The following PIP5K1B variants were observed in gnomAD, a reference collection of about 807,000 sequenced individuals.
PIP5K1B encodes the protein phosphatidylinositol 4-phosphate 5-kinase type-1 beta.
A neutral mutation model predicts 67.0 loss-of-function variants in PIP5K1B; 42 were observed. The observed-to-expected ratio is 0.63, with a 90% CI of 0.49 to 0.81. The LOEUF (loss-of-function observed/expected upper bound fraction) is 0.81, where lower values mean the gene tolerates loss of function less well. Among genes scored for constraint, PIP5K1B ranks in the 30% least tolerant of loss-of-function variants. PIP5K1B has a pLI of 0.00. For missense variants in PIP5K1B, 459 were observed against 646.3 expected (o/e 0.71, Z 3.14); for synonymous variants, 214 against 231.4 (o/e 0.92, Z 0.68).
intron 4 of PIP5K1B, among the ~76,000 whole-genome samples, chr9:68,830,788 G>A (rs1834272022): frequency 6.6e-6 from 1 of 152,154 alleles, no homozygotes; most frequent in Admixed American, 6.5e-5. Context: ...TCTGAACTGT[G>A]GCCCATGTTC....
intron 2 of PIP5K1B, among the ~76,000 whole-genome samples, chr9:68,802,823 G>C (rs1424671385): frequency 6.6e-6 from 1 of 152,198 alleles, no homozygotes. Flanking sequence ...TGAGAGTCGT[G>C]AGAGGTCATA....
intron 2 of PIP5K1B, among the ~76,000 whole-genome samples, chr9:68,755,340 C>T (rs992513390): frequency 6.6e-6 from 1 of 152,174 alleles, no homozygotes; most frequent in East Asian, 1.9e-4. Context: ...TATGAGTATA[C>T]CTCTGCTTAC....
chr9:68,915,472 C>G (rs946832340), intron 8 of PIP5K1B, among the ~76,000 whole-genome samples: 3 of 152,132 alleles, frequency 2.0e-5, no homozygotes, highest in African/African-American at 7.2e-5. Flanking sequence ...GTGCTTCTGA[C>G]ATAAAACAGT....
intron 7 of PIP5K1B, among the ~76,000 whole-genome samples, chr9:68,892,331 A>G (rs987483851): frequency 6.6e-6 from 1 of 152,234 alleles, no homozygotes; most frequent in African/African-American, 2.4e-5. Context: ...ACATTTTTGA[A>G]AAAGAAGAAA....
intron 8 of PIP5K1B, among the ~76,000 whole-genome samples, chr9:68,911,365 C>T (rs1298040299): frequency 8.1e-6 from 1 of 123,780 alleles, no homozygotes; most frequent in Non-Finnish European, 1.7e-5. Flanking sequence ...AAGAGCAAAA[C>T]TCCATCTCAA....
At chr9:68,822,459 A>G (rs1833776380) in intron 3 of PIP5K1B, 156 bp from the exon 4 acceptor site, 2 of 523,588 alleles carry the variant, frequency 3.8e-6, no homozygotes, top group Non-Finnish European at 6.9e-6. Flanking sequence ...TTTCTTTTTT[A>G]GTATTCTGAA....
intron 2 of PIP5K1B, chr9:68,780,416 C>A: frequency 6.2e-7 from 1 of 1,614,112 alleles, no homozygotes; most frequent in East Asian, 2.2e-5. Flanking sequence ...ACAGCAGCCG[C>A]TTGCACCAGA....
intron 13 of PIP5K1B, 21 bp downstream of exon 13, chr9:68,935,066 TA>T: frequency 6.3e-7 from 1 of 1,599,600 alleles, no homozygotes; most frequent in East Asian, 2.2e-5. Context: ...GTAACTTTTT[TA>T]AAAAGACAAA....
chr9:68,975,942 T>G (rs1426217985), intron 14 of PIP5K1B, among the ~76,000 whole-genome samples: 1 of 152,230 alleles, frequency 6.6e-6, no homozygotes, highest in Non-Finnish European at 1.5e-5. Context: ...TAATTATGTC[T>G]GCAACAAACT....
chr9:68,795,100 T>C (rs1197969709), intron 2 of PIP5K1B, among the ~76,000 whole-genome samples: 1 of 152,214 alleles, frequency 6.6e-6, no homozygotes, highest in East Asian at 1.9e-4. Context: ...TTGGTTTTCC[T>C]CTGAATCAGT....
At chr9:68,773,141 G>A (rs770917575) in intron 2 of PIP5K1B, among the ~76,000 whole-genome samples, 3 of 152,126 alleles carry the variant, frequency 2.0e-5, no homozygotes, top group Non-Finnish European at 4.4e-5. Context: ...CACCCACCCA[G>A]CTGAAAGATC....
At position 68,953,509 on chromosome 9, in the gene PIP5K1B, G is replaced by A. The variant is rs115371733; in HGVS notation, c.1502+12719G>A. ...ATTTGTCTGCTCAACTAAGGCTTGAGTGGGAGACTAGAAAACTGATTAGAG... is the reference window on the plus strand; with the variant it reads ...ATTTGTCTGCTCAACTAAGGCTTGAATGGGAGACTAGAAAACTGATTAGAG... On this transcript the variant is annotated intron_variant, in intron 14 of 15. Coordinates refer to ENST00000265382, the MANE Select transcript of PIP5K1B (RefSeq NM_003558.4). Among the ~76,000 whole-genome samples, 1,414 of 152,154 alleles carry A rather than the reference G, an allele frequency of 9.3e-3. 26 individuals carry two copies. Among genetic ancestry groups the A allele is most frequent in the African/African-American group, 0.032 (1,347 of 41,480 alleles).
chr9:68,823,215 T>G (rs1833815779), intron 4 of PIP5K1B, among the ~76,000 whole-genome samples: 1 of 152,220 alleles, frequency 6.6e-6, no homozygotes, highest in Non-Finnish European at 1.5e-5. Flanking sequence ...GAATTCATTT[T>G]TGCCTTAGAA....
chr9:68,993,304 A>T (rs1424076957), intron 15 of PIP5K1B, among the ~76,000 whole-genome samples: 1 of 152,080 alleles, frequency 6.6e-6, no homozygotes, highest in East Asian at 1.9e-4. Flanking sequence ...CAGACCAAGC[A>T]CATCTCTGCC....
intron 10 of PIP5K1B, 51 bp from the exon 11 acceptor site, chr9:68,919,630 C>T: frequency 7.1e-7 from 1 of 1,403,894 alleles, no homozygotes; most frequent in Non-Finnish European, 1.0e-6. Flanking sequence ...GAAAAATCAC[C>T]AAATGAGAGT....
chr9:68,796,158 TA>T (rs1336476931), intron 2 of PIP5K1B, among the ~76,000 whole-genome samples: 3 of 152,362 alleles, frequency 2.0e-5, no homozygotes, highest in African/African-American at 7.2e-5. Context: ...TTCAGCTCCA[TA>T]AACAGCTTTT....
chr9:68,937,609 T>C (rs1054738746), intron 13 of PIP5K1B, among the ~76,000 whole-genome samples: 1 of 152,226 alleles, frequency 6.6e-6, no homozygotes, highest in Admixed American at 6.5e-5. Flanking sequence ...TCTCCTTCAG[T>C]TCTGCTCTGA....
intron 2 of PIP5K1B, among the ~76,000 whole-genome samples, chr9:68,787,010 C>T (rs546539477): frequency 6.6e-6 from 1 of 152,308 alleles, no homozygotes; most frequent in African/African-American, 2.4e-5. Flanking sequence ...TGAGTCGGCC[C>T]TCTCCAATAC....
chr9:68,970,487 A>G (rs114911451), intron 14 of PIP5K1B, among the ~76,000 whole-genome samples: 2,709 of 152,304 alleles, frequency 0.018, 81 homozygotes, highest in African/African-American at 0.061. Context: ...AATCTTTCCC[A>G]CAATATGTGG....
Sources: gnomAD v4.1 joint callset for allele counts (sites outside exome capture counted in the v4.1 genomes callset) on GRCh38, gnomAD v4.1.1 for gene constraint, MANE v1.5 for transcripts, NCBI Gene and HGNC (gene_info 2026-07-23, HGNC 2026-07-21) for gene names.